NEDD4L: variants seen among roughly 807,000 people sequenced by gnomAD.
The protein encoded by NEDD4L is NEDD4 like E3 ubiquitin protein ligase.
Under a neutral mutation model 148.9 loss-of-function variants are expected in NEDD4L, and 54 were observed. The observed-to-expected ratio is 0.36, with a 90% CI of 0.29 to 0.45. NEDD4L has a LOEUF of 0.45. Ranked by LOEUF, NEDD4L falls within the 20% of genes least tolerant of loss-of-function variation. NEDD4L has a pLI of 1.00. For synonymous variants in NEDD4L, 433 were observed against 440.7 expected (o/e 0.98, Z 0.22); for missense variants, 856 against 1,233.8 (o/e 0.69, Z 4.59).
At chr18:58,111,917 G>C (rs1245075072) in intron 1 of NEDD4L, among the ~76,000 whole-genome samples, 2 of 152,150 alleles carry the variant, frequency 1.3e-5, no homozygotes, top group Non-Finnish European at 2.9e-5. Flanking sequence ...AGTGTCTGAG[G>C]GTTCCAGTGT....
chr18:58,145,313 A>C (rs930167247), intron 1 of NEDD4L, among the ~76,000 whole-genome samples: 8 of 152,210 alleles, frequency 5.3e-5, no homozygotes, highest in African/African-American at 1.7e-4. Context: ...ACTACGTGAC[A>C]GTCTGAAGAA....
At chr18:58,051,108 C>T (rs190295353) in intron 1 of NEDD4L, among the ~76,000 whole-genome samples, 49 of 152,242 alleles carry the variant, frequency 3.2e-4, no homozygotes, top group Non-Finnish European at 5.4e-4. Flanking sequence ...AATACAAAAA[C>T]TTAGTTGCGT....
chr18:58,044,621 C>T lies in NEDD4L; in HGVS notation c.-40C>T, dbSNP rs1323235096. 1.3e-6 allele frequency: 2 copies of T among 1,571,192 alleles called. No individual in the cohort carries two copies. Among genetic ancestry groups the T allele is most frequent in the South Asian group, 1.2e-5 (1 of 86,150 alleles). On this transcript the variant is annotated 5_prime_UTR_variant, in exon 1 of 31. Coordinates refer to ENST00000400345, the MANE Select transcript of NEDD4L (RefSeq NM_001144967.3). The stretch of plus-strand genomic sequence containing the variant: ...CCGGCCGTCCGCGCCGCAGCACAGC[C>T]GCTGGGAGCGCCTCAGACCCCGCGC...
intron 1 of NEDD4L, among the ~76,000 whole-genome samples, chr18:58,074,262 ATT>A (rs765771513): frequency 5.1e-5 from 7 of 138,458 alleles, no homozygotes; most frequent in Admixed American, 1.4e-4. Context: ...TCATGCTAAG[ATT>A]TTTTTTTTTT....
rs552840738 is a variant in NEDD4L at position 58,108,479 on chromosome 18, G to A, written c.49-57309G>A. The stretch of plus-strand genomic sequence containing the variant: ...TGTGTCGCCCAGGCTGGAGTGCAGT[G>A]GTGCGATCTCAGCTCACTGCAACCT... On this transcript the variant is annotated intron_variant, in intron 1 of 30. Coordinates refer to ENST00000400345, the MANE Select transcript of NEDD4L (RefSeq NM_001144967.3). Among the ~76,000 whole-genome samples, 16 of 152,242 alleles carry A rather than the reference G, an allele frequency of 1.1e-4. 1 individual carries two copies. Among genetic ancestry groups the A allele is most frequent in the African/African-American group, 3.4e-4 (14 of 41,550 alleles).
At chr18:58,356,372 T>C (rs563249332) in intron 18 of NEDD4L, among the ~76,000 whole-genome samples, 6 of 151,370 alleles carry the variant, frequency 4.0e-5, no homozygotes, top group Admixed American at 2.0e-4. Context: ...CCACCCCCCG[T>C]ACCTTTCATG....
intron 24 of NEDD4L, among the ~76,000 whole-genome samples, chr18:58,381,050 C>T (rs968937858): frequency 6.6e-6 from 1 of 152,066 alleles, no homozygotes; most frequent in African/African-American, 2.4e-5. Context: ...GGAATACTCA[C>T]ATATATACAT....
rs189475986 is a variant in NEDD4L, at chr18:58,108,029, T to G, written c.49-57759T>G. ...GCCACTGCACCCAGCTGGAAAGGAC[T>G]TTTTGTGCGGTGAGAGGAGGATCCT... On this transcript the variant is annotated intron_variant, in intron 1 of 30. Coordinates refer to ENST00000400345, the MANE Select transcript of NEDD4L (RefSeq NM_001144967.3). Among the ~76,000 whole-genome samples, 32 of 152,298 alleles carry G rather than the reference T, an allele frequency of 2.1e-4. 1 individual carries two copies. In the East Asian group the frequency reaches 6.2e-3, roughly 29 times the overall value.
intron 1 of NEDD4L, among the ~76,000 whole-genome samples, chr18:58,155,920 C>T (rs556854667): frequency 6.6e-6 from 1 of 152,286 alleles, no homozygotes; most frequent in Non-Finnish European, 1.5e-5. Context: ...TGCAGCTCTC[C>T]CAAGTTGGTG....
chr18:58,088,816 T>C (rs2145247754), intron 1 of NEDD4L, among the ~76,000 whole-genome samples: 1 of 152,348 alleles, frequency 6.6e-6, no homozygotes, highest in East Asian at 1.9e-4. Context: ...GTTATGTTAC[T>C]GACTGGCGTA....
intron 1 of NEDD4L, among the ~76,000 whole-genome samples, chr18:58,093,297 AAGT>A (rs1387725688): frequency 6.6e-6 from 1 of 152,204 alleles, no homozygotes; most frequent in Non-Finnish European, 1.5e-5. Context: ...GTTTTTCAAG[AAGT>A]ACTCATTTCA....
chr18:58,121,290 T>C lies in NEDD4L; in HGVS notation c.49-44498T>C, dbSNP rs561847857. On this transcript the variant is annotated intron_variant, in intron 1 of 30. Transcript: ENST00000400345. ...GGCCCCTGTTGGAGCAAATTACTCT[T>C]TGGGGGCCCGGTTTTCCTCAGGAAC... is the stretch of plus-strand genomic sequence containing the variant. Among the ~76,000 whole-genome samples, 6 of 152,306 alleles carry C rather than the reference T, an allele frequency of 3.9e-5. No homozygotes were observed. In the South Asian group the frequency reaches 8.3e-4, roughly 21 times the overall value.
chr18:58,335,490 G>T lies in NEDD4L; in HGVS notation c.1078G>T (p.Ala360Ser), dbSNP rs781523882. 6 of 1,613,476 alleles carry T rather than the reference G, an allele frequency of 3.7e-6. No individual in the cohort carries two copies. Among genetic ancestry groups the T allele is most frequent in the Middle Eastern group, 1.6e-4 (1 of 6,076 alleles). Reference protein sequence around the residue: ...QGHLPPPSAPAGRARSSTVTG... With the variant: ...QGHLPPPSAPSGRARSSTVTG... ...TTATCATTCACAGCCCAGTGCCCCA[G>T]CTGGGAGAGCGCGTTCATCAACTGT... Residue 360 changes from alanine to serine, a missense_variant, in exon 13 of 31, where the codon GCT becomes TCT. Physicochemically the swap from Ala to Ser is moderately conservative, Grantham distance 99 (BLOSUM62 1). This residue lies in a region of NEDD4L where 367 missense variants were observed against 422.7 expected (regional missense o/e 0.87). Coordinates refer to ENST00000400345, the MANE Select transcript of NEDD4L (RefSeq NM_001144967.3).
chr18:58,140,029 T>C (rs981531543), intron 1 of NEDD4L, among the ~76,000 whole-genome samples: 2 of 152,142 alleles, frequency 1.3e-5, no homozygotes, highest in Admixed American at 6.5e-5. Flanking sequence ...GGGTCAAGAA[T>C]AGAGGCAGGG....
In NEDD4L at chr18:58,121,119, G is replaced by A. The variant is rs937501184; in HGVS notation, c.49-44669G>A. On this transcript the variant is annotated intron_variant, in intron 1 of 30. Coordinates refer to ENST00000400345, the MANE Select transcript of NEDD4L (RefSeq NM_001144967.3). ...TGTCTTCTCTTTTTTTTGGTGGGGA[G>A]AACAGAGTGTAGAATGATATTAGTA... Among the ~76,000 whole-genome samples, 6 of 152,170 alleles carry A rather than the reference G, an allele frequency of 3.9e-5. 1 individual carries two copies. The East Asian group carries it at 1.2e-3, about 29-fold the overall frequency.
intron 22 of NEDD4L, among the ~76,000 whole-genome samples, chr18:58,369,335 A>G (rs2046520614): frequency 6.6e-6 from 1 of 152,224 alleles, no homozygotes. Context: ...TGACCCCGAC[A>G]AGAGTGATCA....
At chr18:58,046,418 G>T in intron 1 of NEDD4L, 1 of 149,642 alleles carries the variant, frequency 6.7e-6, no homozygotes. Context: ...GGGTGGGGGT[G>T]AGGACAGCTG....
At chr18:58,113,979 C>T (rs2085592561) in intron 1 of NEDD4L, among the ~76,000 whole-genome samples, 1 of 152,162 alleles carries the variant, frequency 6.6e-6, no homozygotes. Context: ...TCCTCTGTCC[C>T]CTGTGAGGGT....
At position 58,231,525 on chromosome 18, in the gene NEDD4L, GT is replaced by G. The variant is rs528226357; in HGVS notation, c.123-13899del. Among the ~76,000 whole-genome samples the G allele has an allele frequency of 1.6e-3, 243 of 152,220 alleles. No homozygotes were observed. The Middle Eastern group carries it at 0.024, about 15-fold the overall frequency. The stretch of plus-strand genomic sequence containing the variant: ...AACTGTGAAGATACTAGATTGACCT[GT>G]TTGGAAAACCAAACAGATGTGGCTG... On this transcript the variant is annotated intron_variant, in intron 2 of 30. Coordinates refer to ENST00000400345, the MANE Select transcript of NEDD4L (RefSeq NM_001144967.3).
Sources: gnomAD v4.1 joint callset for allele counts (sites outside exome capture counted in the v4.1 genomes callset) on GRCh38, gnomAD v4.1.1 for gene constraint, gnomAD v4.1.1 regional missense constraint, MANE v1.5 for transcripts, NCBI Gene and HGNC (gene_info 2026-07-23, HGNC 2026-07-21) for gene names.